The following PREX1 variants were observed in gnomAD, a reference collection of about 807,000 sequenced individuals.
PREX1 encodes phosphatidylinositol-3,4,5-trisphosphate dependent Rac exchange factor 1.
Under a neutral mutation model 198.3 loss-of-function variants are expected in PREX1, and 41 were observed. That is an observed-to-expected ratio of 0.21 (90% CI 0.16 to 0.27). PREX1 has a LOEUF of 0.27. PREX1 is among the 10% of genes least tolerant of loss of function. The pLI, the probability that PREX1 is intolerant of heterozygous loss-of-function variation, is 1.00. For synonymous variants in PREX1, 843 were observed against 887.2 expected (o/e 0.95, Z 0.89); for missense variants, 1,620 against 2,200.7 (o/e 0.74, Z 5.28).
At chr20:48,836,902 C>CAAAAA in the PREX1 span, among the ~76,000 whole-genome samples, 5 of 56,082 alleles carry the variant, frequency 8.9e-5, no homozygotes, top group African/African-American at 1.6e-4. Context: ...ACTCTGTCTC[C>CAAAAA]AAAAAAAAAA....
At chr20:48,792,820 A>C (rs2090344591) in intron 1 of PREX1, among the ~76,000 whole-genome samples, 1 of 140,062 alleles carries the variant, frequency 7.1e-6, no homozygotes, top group Admixed American at 7.0e-5. Context: ...AAAAAAATAC[A>C]CACACACACA....
intron 1 of PREX1, among the ~76,000 whole-genome samples, chr20:48,749,057 A>AG (rs1280209358): frequency 6.6e-6 from 1 of 152,098 alleles, no homozygotes; most frequent in African/African-American, 2.4e-5. Context: ...AGAGCTGCCG[A>AG]GGGGTCACAC....
chr20:48,695,670 C>G (rs141987220), intron 7 of PREX1, among the ~76,000 whole-genome samples: 12 of 152,308 alleles, frequency 7.9e-5, no homozygotes, highest in African/African-American at 2.6e-4. Context: ...AGTAAATAAC[C>G]TCAACCACTG....
intron 1 of PREX1, among the ~76,000 whole-genome samples, chr20:48,821,428 G>A (rs549611059): frequency 1.3e-5 from 2 of 152,142 alleles, no homozygotes; most frequent in East Asian, 1.9e-4. Context: ...CAAGATCTCC[G>A]AAACGCAGGG....
chr20:48,657,223 C>CA (rs1568807028), intron 17 of PREX1, 35 bp from the exon 18 acceptor site: 1 of 1,607,578 alleles, frequency 6.2e-7, no homozygotes, highest in Admixed American at 1.7e-5. Flanking sequence ...ACGTGCACAC[C>CA]AGTTACTAAG....
At chr20:48,715,893 T>C (rs1245511359) in intron 5 of PREX1, among the ~76,000 whole-genome samples, 1 of 152,144 alleles carries the variant, frequency 6.6e-6, no homozygotes, top group Non-Finnish European at 1.5e-5. Context: ...TCCCACTCTA[T>C]ATATAAGGAA....
chr20:48,879,032 C>T, the PREX1 span, among the ~76,000 whole-genome samples: 1 of 152,192 alleles, frequency 6.6e-6, no homozygotes, highest in African/African-American at 2.4e-5. Context: ...CCGGTGACAT[C>T]TTTGAGCCCC....
intron 3 of PREX1, among the ~76,000 whole-genome samples, chr20:48,741,052 G>C (rs565961554): frequency 6.6e-6 from 1 of 151,912 alleles, no homozygotes; most frequent in Non-Finnish European, 1.5e-5. Context: ...ACTGTTGCAG[G>C]GGCTGGTGTG....
intron 1 of PREX1, among the ~76,000 whole-genome samples, chr20:48,796,440 T>C (rs1248099277): frequency 6.6e-6 from 1 of 152,142 alleles, no homozygotes; most frequent in Non-Finnish European, 1.5e-5. Context: ...ACGTGTACTG[T>C]GGGCCCCACT....
At chr20:48,670,899 T>A (rs2089671094) in intron 14 of PREX1, among the ~76,000 whole-genome samples, 1 of 152,202 alleles carries the variant, frequency 6.6e-6, no homozygotes, top group Non-Finnish European at 1.5e-5. Context: ...CCTCAGTTTC[T>A]TCATCAGTAA....
At chr20:48,660,979 T>G (rs1352861288) in intron 15 of PREX1, among the ~76,000 whole-genome samples, 3 of 152,308 alleles carry the variant, frequency 2.0e-5, no homozygotes, top group South Asian at 2.1e-4. Flanking sequence ...GAATAAAGTT[T>G]TATTGGCACA....
intron 1 of PREX1, among the ~76,000 whole-genome samples, chr20:48,826,521 C>A (rs574964199): frequency 3.3e-5 from 5 of 152,226 alleles, no homozygotes; most frequent in Admixed American, 3.3e-4. Context: ...CGATCCCAGA[C>A]AAGCTACCCG....
At chr20:48,641,840 G>GGAAGGAAGGA (rs1324460377) in intron 29 of PREX1, among the ~76,000 whole-genome samples, 3 of 81,608 alleles carry the variant, frequency 3.7e-5, no homozygotes, top group African/African-American at 5.3e-5. Context: ...GAGAGAGAGA[G>GGAAGGAAGGA]AGGAAGGAAG....
chr20:48,659,352 G>A (rs965617119), intron 16 of PREX1, among the ~76,000 whole-genome samples: 2 of 149,876 alleles, frequency 1.3e-5, no homozygotes, highest in Non-Finnish European at 3.0e-5. Context: ...GGGAGGGAAA[G>A]AGGAAAGAGA....
At chr20:48,807,796 C>T (rs1256346280) in intron 1 of PREX1, among the ~76,000 whole-genome samples, 2 of 152,102 alleles carry the variant, frequency 1.3e-5, no homozygotes, top group Admixed American at 1.3e-4. Context: ...TGGAAGGTGA[C>T]GTTGACTGAT....
At chr20:48,720,070 C>A (rs2089978620) in intron 5 of PREX1, among the ~76,000 whole-genome samples, 1 of 152,196 alleles carries the variant, frequency 6.6e-6, no homozygotes, top group Non-Finnish European at 1.5e-5. Flanking sequence ...AACAGTCCTG[C>A]CCCAGGGCCT....
In PREX1 at chr20:48,743,090, G is replaced by A. The variant is rs963837978; in HGVS notation, c.414+1935C>T. Among the ~76,000 whole-genome samples the A allele has an allele frequency of 9.2e-5, 14 of 152,240 alleles. No homozygotes were observed. The East Asian group carries it at 2.7e-3, about 29-fold the overall frequency. ...CGGCATTAGCTTGGTGCTGAGCCAG[G>A]TCATTCATCCTCATGACAGCCCCCT... is the stretch of plus-strand genomic sequence containing the variant. On this transcript the variant is annotated intron_variant, in intron 3 of 39. Transcript: ENST00000371941.
At chr20:48,693,837 T>C (rs1035635083) in intron 7 of PREX1, among the ~76,000 whole-genome samples, 11 of 152,096 alleles carry the variant, frequency 7.2e-5, no homozygotes, top group African/African-American at 2.7e-4. Flanking sequence ...CTCAATCTCC[T>C]GACCTCATGA....
chr20:48,679,257 A>G (rs1185026649), intron 13 of PREX1, 103 bp downstream of exon 13: 1 of 985,656 alleles, frequency 1.0e-6, no homozygotes, highest in Non-Finnish European at 1.6e-6. Flanking sequence ...GCCCCATTTA[A>G]TGGAGAAGGA....
Sources: gnomAD v4.1 joint callset for allele counts (sites outside exome capture counted in the v4.1 genomes callset) on GRCh38, gnomAD v4.1.1 for gene constraint, MANE v1.5 for transcripts, NCBI Gene and HGNC (gene_info 2026-07-23, HGNC 2026-07-21) for gene names.